CCDC7: variants seen among roughly 807,000 people sequenced by gnomAD.
CCDC7 encodes coiled-coil domain containing 7, also known as coiled-coil domain-containing protein 7.
In CCDC7, 183 loss-of-function variants were observed where a neutral mutation model predicts 196.9. The observed-to-expected ratio is 0.93, with a 90% CI of 0.82 to 1.05. CCDC7 has a LOEUF of 1.05. Among genes scored for constraint, CCDC7 ranks in the 50% least tolerant of loss-of-function variants. The pLI, the probability that CCDC7 is intolerant of heterozygous loss-of-function variation, is 0.00. For synonymous variants in CCDC7, 525 were observed against 484.6 expected, an observed-to-expected ratio of 1.08 and a Z score of -1.10; for missense variants, 1,540 against 1,482.2, an observed-to-expected ratio of 1.04 and a Z score of -0.64.
chr10:32,696,160 A>G (rs2077694015), intron 24 of CCDC7, among the ~76,000 whole-genome samples: 1 of 152,208 alleles, frequency 6.6e-6, no homozygotes, highest in Non-Finnish European at 1.5e-5. Context: ...AGGGGTAGAC[A>G]TAGACAATAT....
intron 4 of CCDC7, 139 bp downstream of exon 5, chr10:32,462,842 C>A: frequency 7.9e-7 from 1 of 1,269,784 alleles, no homozygotes; most frequent in Non-Finnish European, 1.1e-6. Context: ...ATTTTATGTT[C>A]ATTTGTATAG....
intron 21 of CCDC7, among the ~76,000 whole-genome samples, chr10:32,664,861 C>A (rs934928043): frequency 6.6e-6 from 1 of 151,926 alleles, no homozygotes; most frequent in Admixed American, 6.6e-5. Flanking sequence ...TATTGTAGTT[C>A]TATTTTTAAT....
At chr10:32,715,722 T>C (rs2081471027) in intron 25 of CCDC7, among the ~76,000 whole-genome samples, 2 of 152,242 alleles carry the variant, frequency 1.3e-5, no homozygotes, top group Admixed American at 1.3e-4. Flanking sequence ...CCGATGGAGC[T>C]GAAAAACACA....
intron 41 of CCDC7, among the ~76,000 whole-genome samples, chr10:32,870,122 T>C (rs1232773096): frequency 1.3e-5 from 2 of 152,116 alleles, no homozygotes; most frequent in East Asian, 3.9e-4. Flanking sequence ...TTTTTTCCAA[T>C]TCTGTGAAGA....
intron 14 of CCDC7, 120 bp downstream of exon 15, chr10:32,565,740 C>A: frequency 9.3e-7 from 1 of 1,072,648 alleles, no homozygotes; most frequent in Non-Finnish European, 1.3e-6. Flanking sequence ...TACTATTTGG[C>A]TAGGTTTAAA....
chr10:32,832,319 C>T (rs189161576), intron 32 of CCDC7, among the ~76,000 whole-genome samples: 1 of 152,114 alleles, frequency 6.6e-6, no homozygotes, highest in Non-Finnish European at 1.5e-5. Context: ...GTCTGGCCAA[C>T]CTGGTGAAGC....
chr10:32,786,958 G>C (rs773238710), intron 29 of CCDC7, among the ~76,000 whole-genome samples: 38 of 152,176 alleles, frequency 2.5e-4, no homozygotes, highest in Admixed American at 7.9e-4. Context: ...TTCAACAGCA[G>C]ATCTGAGCAG....
At chr10:32,617,432 A>G (rs1239915881) in intron 18 of CCDC7, among the ~76,000 whole-genome samples, 1 of 151,766 alleles carries the variant, frequency 6.6e-6, no homozygotes, top group Non-Finnish European at 1.5e-5. Context: ...TTAATGCTAT[A>G]AACCCCTCTT....
At chr10:32,858,739 A>G (rs1050942314) in intron 41 of CCDC7, among the ~76,000 whole-genome samples, 3 of 152,130 alleles carry the variant, frequency 2.0e-5, no homozygotes, top group Non-Finnish European at 4.4e-5. Context: ...TTCCAAGCAA[A>G]TGGAAAGCAA....
At chr10:32,456,481 A>G in intron 3 of CCDC7, 147 bp downstream of exon 4, 2 of 598,406 alleles carry the variant, frequency 3.3e-6, no homozygotes, top group East Asian at 3.6e-5. Flanking sequence ...TTATTTATTT[A>G]TTTTTTATTC....
exon 15 of CCDC7, chr10:32,567,855 A>G (rs771518493): frequency 3.0e-5 from 48 of 1,613,456 alleles, no homozygotes; most frequent in Non-Finnish European, 3.7e-5. Flanking sequence ...ATTCAGGTGG[A>G]CAAAGGACAA....
intron 20 of CCDC7, among the ~76,000 whole-genome samples, chr10:32,649,010 A>T (rs1161225559): frequency 1.3e-5 from 2 of 152,220 alleles, no homozygotes; most frequent in East Asian, 3.8e-4. Flanking sequence ...CTTTTGTAGG[A>T]ATATGGTTGG....
At chr10:32,573,757 T>C (rs1018731110) in intron 16 of CCDC7, among the ~76,000 whole-genome samples, 11 of 152,212 alleles carry the variant, frequency 7.2e-5, no homozygotes, top group African/African-American at 2.7e-4. Context: ...ATTGATGTAA[T>C]AACTTCAGGA....
chr10:32,516,016 C>T lies in CCDC7; in HGVS notation c.873-1929C>T, dbSNP rs541122376. 4.6e-5 allele frequency among the ~76,000 whole-genome samples: 7 copies of T among 151,414 alleles called. No homozygotes were observed. The South Asian group carries it at 8.4e-4, about 18-fold the overall frequency. On this transcript the variant is annotated intron_variant, in intron 9 of 41. Coordinates refer to ENST00000639629, the Ensembl canonical transcript of CCDC7. The stretch of plus-strand genomic sequence containing the variant: ...CAATCAACAAAAGAAAAAGTTAGAT[C>T]AACTTTATCCAAATTAAAAACTCTT...
At chr10:32,620,182 C>T (rs1309009132) in intron 18 of CCDC7, among the ~76,000 whole-genome samples, 3 of 151,640 alleles carry the variant, frequency 2.0e-5, no homozygotes, top group Non-Finnish European at 4.4e-5. Flanking sequence ...CTTGACCTCC[C>T]AACATGCTGG....
At chr10:32,793,233 T>G (rs2083004265) in intron 29 of CCDC7, among the ~76,000 whole-genome samples, 1 of 152,172 alleles carries the variant, frequency 6.6e-6, no homozygotes, top group Non-Finnish European at 1.5e-5. Flanking sequence ...ATTGGAAGAT[T>G]ACATAATCAA....
At chr10:32,876,570 A>AC (rs2094601616), downstream of CCDC7, 4 of 502,230 alleles carry the variant, frequency 8.0e-6, no homozygotes, top group Non-Finnish European at 1.4e-5. Context: ...AGAAGGCCTG[A>AC]CCAGGCAGTG....
chr10:32,703,443 T>C (rs1331046786), intron 24 of CCDC7, among the ~76,000 whole-genome samples: 1 of 152,062 alleles, frequency 6.6e-6, no homozygotes, highest in Non-Finnish European at 1.5e-5. Context: ...TGGCTGCCCT[T>C]AATATTTTTT....
chr10:32,814,371 G>A (rs2087904252), exon 31 of CCDC7: 4 of 1,593,524 alleles, frequency 2.5e-6, no homozygotes, highest in Non-Finnish European at 3.4e-6. Context: ...TTTCTATAGG[G>A]CCTGATATAG....
Sources: gnomAD v4.1 joint callset for allele counts (sites outside exome capture counted in the v4.1 genomes callset) on GRCh38, gnomAD v4.1.1 for gene constraint, MANE v1.5 for transcripts, NCBI Gene and HGNC (gene_info 2026-07-23, HGNC 2026-07-21) for gene names.